NEXMIF: variants seen among roughly 807,000 people sequenced by gnomAD.
The protein encoded by NEXMIF is XLMR protein related to neurite extension.
Under a neutral mutation model 62.1 loss-of-function variants are expected in NEXMIF, and 8 were observed. The observed-to-expected ratio is 0.13, with a 90% CI of 0.08 to 0.23. NEXMIF has a LOEUF of 0.23. NEXMIF is among the 10% of genes least tolerant of loss of function. The probability of loss-of-function intolerance (pLI) is 1.00; values close to 1 mark genes in which losing one functional copy is unlikely to be tolerated. For synonymous variants in NEXMIF, 404 were observed against 416.6 expected (o/e 0.97, Z 0.37); for missense variants, 976 against 1,113.3 (o/e 0.88, Z 1.75).
At chrX:74,836,746 C>G (rs994677954) in intron 1 of NEXMIF, among the ~76,000 whole-genome samples, 1 of 111,476 alleles carries the variant, frequency 9.0e-6, no homozygotes, top group African/African-American at 3.3e-5. Context: ...ACTGCATTGC[C>G]TGGGGTTGGG....
At chrX:74,747,368 G>GA (rs1404782671) in intron 1 of NEXMIF, among the ~76,000 whole-genome samples, 1 of 111,042 alleles carries the variant, frequency 9.0e-6, no homozygotes, top group Non-Finnish European at 1.9e-5. Flanking sequence ...AGAGATCTAT[G>GA]AAAAAAACCC....
At chrX:74,819,788 A>C (rs1383657544) in intron 1 of NEXMIF, among the ~76,000 whole-genome samples, 1 of 112,060 alleles carries the variant, frequency 8.9e-6, no homozygotes, top group African/African-American at 3.2e-5. Context: ...GCGATCCCTC[A>C]AGATTCTAGA....
intron 1 of NEXMIF, among the ~76,000 whole-genome samples, chrX:74,865,291 G>T (rs2080574192): frequency 9.0e-6 from 1 of 111,650 alleles, no homozygotes; most frequent in Non-Finnish European, 1.9e-5. Flanking sequence ...TGAGGAATTT[G>T]TTGGGAACTG....
intron 1 of NEXMIF, among the ~76,000 whole-genome samples, chrX:74,775,429 C>T (rs1248171191): frequency 9.0e-6 from 1 of 111,616 alleles, no homozygotes; most frequent in Admixed American, 9.6e-5. Flanking sequence ...AATTAAAGAT[C>T]CAGAACCCCT....
At chrX:74,857,142 C>T (rs1236837693) in intron 1 of NEXMIF, among the ~76,000 whole-genome samples, 7 of 111,903 alleles carry the variant, frequency 6.3e-5, no homozygotes, top group African/African-American at 9.8e-5. Flanking sequence ...GGGCTTAGAG[C>T]TAGTGGGCTT....
intron 1 of NEXMIF, among the ~76,000 whole-genome samples, chrX:74,814,813 G>C (rs1348916990): frequency 8.9e-6 from 1 of 112,051 alleles, no homozygotes; most frequent in African/African-American, 3.2e-5. Flanking sequence ...GAGAACCTCA[G>C]GAAACTTTCC....
chrX:74,862,864 A>G (rs1244385394), intron 1 of NEXMIF, among the ~76,000 whole-genome samples: 1 of 111,403 alleles, frequency 9.0e-6, no homozygotes. Flanking sequence ...TTATAGCACT[A>G]TATGCCCATA....
At chrX:74,759,041 T>TC (rs1358405444) in intron 1 of NEXMIF, among the ~76,000 whole-genome samples, 1 of 112,521 alleles carries the variant, frequency 8.9e-6, no homozygotes, top group Non-Finnish European at 1.9e-5. Flanking sequence ...CATTTATTTT[T>TC]CTCTACAACT....
chrX:74,796,245 CACATATATATT>C (rs2080310667), intron 1 of NEXMIF, among the ~76,000 whole-genome samples: 7 of 14,440 alleles, frequency 4.8e-4, no homozygotes, highest in Non-Finnish European at 1.9e-3. Context: ...TATATATATA[CACATATATATT>C]ATATATATTA....
chrX:74,875,599 G>A (rs1409636237), intron 1 of NEXMIF, among the ~76,000 whole-genome samples: 2 of 111,391 alleles, frequency 1.8e-5, no homozygotes, highest in Non-Finnish European at 3.8e-5. Flanking sequence ...CTCTGGTAGA[G>A]TTCGGCTGTG....
Position 74,855,389 on chromosome X carries a change from C to T in NEXMIF, c.-48+69494G>A, listed in dbSNP as rs191280540. On this transcript the variant is annotated intron_variant, in intron 1 of 3. Coordinates refer to ENST00000055682, the MANE Select transcript of NEXMIF (RefSeq NM_001008537.3). ...AGAAGAAGGAAACTGGATCCCTATC[C>T]CTCCAGTGGCATTTGCTGAAAACAA... Among the ~76,000 whole-genome samples, 366 of 111,903 alleles carry T rather than the reference C, an allele frequency of 3.3e-3. 2 individuals are homozygous for T. The highest frequency in any genetic ancestry group is 0.011 in the African/African-American group (350 of 30,836).
At chrX:74,916,443 T>C (rs184001371) in intron 1 of NEXMIF, among the ~76,000 whole-genome samples, 42 of 111,685 alleles carry the variant, frequency 3.8e-4, no homozygotes, top group African/African-American at 1.3e-3. Context: ...GGTGAATGGA[T>C]TGATCCATTC....
chrX:74,820,617 C>T (rs750431912), intron 1 of NEXMIF, among the ~76,000 whole-genome samples: 9 of 111,511 alleles, frequency 8.1e-5, no homozygotes, highest in South Asian at 3.8e-4. Context: ...TGTCCATCGA[C>T]GGTGGACTGG....
At chrX:74,807,503 C>T (rs1199387009) in intron 1 of NEXMIF, among the ~76,000 whole-genome samples, 2 of 110,126 alleles carry the variant, frequency 1.8e-5, no homozygotes, top group Non-Finnish European at 3.8e-5. Context: ...TGCTTTGTCG[C>T]CTGGGCTGGA....
chrX:74,889,170 C>T (rs1194252605), intron 1 of NEXMIF, among the ~76,000 whole-genome samples: 1 of 111,708 alleles, frequency 9.0e-6, no homozygotes, highest in Middle Eastern at 4.6e-3. Flanking sequence ...CTGTGAGGGA[C>T]AGGATGCAAT....
rs542095850 is a variant in NEXMIF at position 74,866,834 on chromosome X, T to G, written c.-48+58049A>C. Among the ~76,000 whole-genome samples, 32 of 112,764 alleles carry G rather than the reference T, an allele frequency of 2.8e-4. No individual in the cohort carries two copies. In the Admixed American group the frequency reaches 3.0e-3, roughly 11 times the overall value. On this transcript the variant is annotated intron_variant, in intron 1 of 3. Transcript: ENST00000055682. The stretch of plus-strand genomic sequence containing the variant: ...CACCTTCCGCCATGATTGTGAGGCC[T>G]CCTTAGCCATGTGAAACTATTGAGT...
chrX:74,749,383 C>T (rs768777922), intron 1 of NEXMIF, among the ~76,000 whole-genome samples: 2 of 110,989 alleles, frequency 1.8e-5, no homozygotes, highest in South Asian at 7.8e-4. Context: ...AGAATCATAG[C>T]AAGTTGACAA....
At chrX:74,791,330 C>T (rs1386605049) in intron 1 of NEXMIF, among the ~76,000 whole-genome samples, 1 of 111,753 alleles carries the variant, frequency 8.9e-6, no homozygotes, top group East Asian at 2.8e-4. Context: ...ATGAAGCCCA[C>T]TTGATCATGC....
At chrX:74,872,168 C>T (rs1401513992) in intron 1 of NEXMIF, among the ~76,000 whole-genome samples, 4 of 110,995 alleles carry the variant, frequency 3.6e-5, no homozygotes, top group African/African-American at 9.8e-5. Flanking sequence ...CAGCTTCAGC[C>T]GGTCCCCCCG....
Sources: allele counts gnomAD v4.1 joint callset (sites outside exome capture counted in the v4.1 genomes callset), GRCh38; gene constraint gnomAD v4.1.1; transcripts MANE v1.5; gene names NCBI Gene and HGNC (gene_info 2026-07-23, HGNC 2026-07-21).